GABPB1: variants seen among roughly 807,000 people sequenced by gnomAD.
GABPB1 encodes GA binding protein transcription factor subunit beta 1, also known as GA-binding protein subunit beta-1.
A neutral mutation model predicts 45.9 loss-of-function variants in GABPB1; 15 were observed. The observed-to-expected ratio is 0.33, with a 90% confidence interval of 0.22 to 0.50. GABPB1 has a LOEUF of 0.50. Among genes scored for constraint, GABPB1 ranks in the 20% least tolerant of loss-of-function variants. The probability of loss-of-function intolerance (pLI) is 0.98; values close to 1 mark genes in which losing one functional copy is unlikely to be tolerated. For missense variants in GABPB1, 252 were observed against 457.5 expected, an observed-to-expected ratio of 0.55 and a Z score of 4.10; for synonymous variants, 143 against 154.4, an observed-to-expected ratio of 0.93 and a Z score of 0.55.
At chr15:50,308,655 C>A (rs570951205) in intron 2 of GABPB1, among the ~76,000 whole-genome samples, 51 of 152,316 alleles carry the variant, frequency 3.3e-4, no homozygotes, top group African/African-American at 1.2e-3. Context: ...AACCACCAGA[C>A]AAGTGTGAGT....
At chr15:50,294,969 A>G (rs1403109728) in intron 6 of GABPB1, among the ~76,000 whole-genome samples, 1 of 152,218 alleles carries the variant, frequency 6.6e-6, no homozygotes, top group Non-Finnish European at 1.5e-5. Flanking sequence ...TTGTACCACA[A>G]GGAAGAATAA....
At chr15:50,326,534 C>T (rs1017729409) in intron 1 of GABPB1, among the ~76,000 whole-genome samples, 35 of 152,008 alleles carry the variant, frequency 2.3e-4, no homozygotes, top group African/African-American at 8.2e-4. Context: ...TGGTGGCATG[C>T]GCCTATAGTC....
At chr15:50,338,557 T>A (rs561457946) in intron 1 of GABPB1, among the ~76,000 whole-genome samples, 2 of 152,218 alleles carry the variant, frequency 1.3e-5, no homozygotes, top group East Asian at 3.9e-4. Context: ...CACTGCAACC[T>A]ACACCTCCTG....
intron 1 of GABPB1, chr15:50,354,603 G>C (rs1420618143): frequency 2.2e-6 from 1 of 445,868 alleles, no homozygotes; most frequent in South Asian, 1.6e-5. Context: ...CCAGTCGCCC[G>C]CAGAACCTCC....
intron 1 of GABPB1, among the ~76,000 whole-genome samples, chr15:50,342,290 C>T (rs1234064478): frequency 6.6e-6 from 1 of 151,954 alleles, no homozygotes; most frequent in East Asian, 1.9e-4. Context: ...TTTCCTCTCC[C>T]ATAAGCCTTA....
intron 6 of GABPB1, among the ~76,000 whole-genome samples, chr15:50,291,728 T>C (rs1214910685): frequency 2.0e-5 from 3 of 151,960 alleles, no homozygotes; most frequent in Non-Finnish European, 4.4e-5. Flanking sequence ...AAGACCAGCC[T>C]GGGTAACACA....
Position 50,293,411 on chromosome 15 carries a change from A to G in GABPB1, c.698-3743T>C, listed in dbSNP as rs532932943. ...CAAACCACAGAACACTCAAAATGCA[A>G]ACAACCTTTGTTTTGAGCTCTCTTG... On this transcript the variant is annotated intron_variant, in intron 6 of 8. Transcript: ENST00000380877. Among the ~76,000 whole-genome samples, 6 of 152,328 alleles carry G rather than the reference A, an allele frequency of 3.9e-5. No homozygotes were observed. The East Asian group carries it at 1.2e-3, about 29-fold the overall frequency.
intron 2 of GABPB1, among the ~76,000 whole-genome samples, chr15:50,307,227 C>T (rs1332519711): frequency 2.0e-5 from 3 of 152,154 alleles, no homozygotes; most frequent in Non-Finnish European, 4.4e-5. Flanking sequence ...AGCCTTGGTA[C>T]TGCTCAACTG....
intron 2 of GABPB1, among the ~76,000 whole-genome samples, chr15:50,306,656 T>C (rs1345082406): frequency 6.6e-6 from 1 of 150,936 alleles, no homozygotes; most frequent in Non-Finnish European, 1.5e-5. Context: ...TCTTCCCACA[T>C]GCCACTCCCT....
rs1353683675 is a variant in GABPB1, at chr15:50,301,429, TC to T, written c.472-62del. ...TAACCAGAACATATAGCACAAATTCTCCATATAATACAAACACATATAAAGG... is the reference window on the plus strand; with the variant it reads ...TAACCAGAACATATAGCACAAATTCTCATATAATACAAACACATATAAAGG... On this transcript the variant is annotated intron_variant, in intron 4 of 8. Coordinates refer to ENST00000380877, the MANE Select transcript of GABPB1 (RefSeq NM_016654.5). 4 of 1,405,214 alleles carry T rather than the reference TC, an allele frequency of 2.8e-6. No homozygotes were observed. In the African/African-American group the frequency reaches 5.7e-5, roughly 20 times the overall value. 87.0% of individuals were successfully genotyped at this position (1,405,214 alleles called of 1,614,324 possible). A position where few individuals can be genotyped will look rare whatever the true frequency, so the allele number is the denominator to read the frequency against.
chr15:50,315,491 G>A (rs1357009556), intron 1 of GABPB1, among the ~76,000 whole-genome samples: 1 of 152,198 alleles, frequency 6.6e-6, no homozygotes, highest in African/African-American at 2.4e-5. Flanking sequence ...TCATAAAAAG[G>A]TGGCAATGGG....
intron 1 of GABPB1, among the ~76,000 whole-genome samples, chr15:50,317,661 G>A (rs2047389387): frequency 6.6e-6 from 1 of 152,072 alleles, no homozygotes; most frequent in Non-Finnish European, 1.5e-5. Flanking sequence ...TGTAATCCCA[G>A]CACTTTGGGA....
At chr15:50,304,886 T>C (rs2046887960) in intron 2 of GABPB1, among the ~76,000 whole-genome samples, 1 of 152,198 alleles carries the variant, frequency 6.6e-6, no homozygotes, top group Non-Finnish European at 1.5e-5. Context: ...AAAATTGTTT[T>C]GTAGGTCTTA....
At chr15:50,304,714 G>GA (rs1230865292) in intron 2 of GABPB1, among the ~76,000 whole-genome samples, 246 of 105,394 alleles carry the variant, frequency 2.3e-3, no homozygotes, top group African/African-American at 2.4e-3. Flanking sequence ...TTGGTCTAAA[G>GA]AAAAAAAAAA....
intron 6 of GABPB1, among the ~76,000 whole-genome samples, chr15:50,297,988 T>C (rs944426076): frequency 5.3e-5 from 8 of 152,226 alleles, no homozygotes; most frequent in Non-Finnish European, 8.8e-5. Flanking sequence ...GTTAGAGAAA[T>C]TGGTGTGGCC....
At chr15:50,330,092 C>T (rs539757568) in intron 1 of GABPB1, among the ~76,000 whole-genome samples, 15 of 151,710 alleles carry the variant, frequency 9.9e-5, no homozygotes, top group African/African-American at 2.9e-4. Flanking sequence ...TTTGGAGAGA[C>T]GAGGTTTTGA....
At chr15:50,309,319 A>C (rs960109856) in intron 2 of GABPB1, among the ~76,000 whole-genome samples, 30 of 152,250 alleles carry the variant, frequency 2.0e-4, no homozygotes, top group Non-Finnish European at 1.3e-4. Flanking sequence ...TTTTTCTTTT[A>C]GGAGTGACTA....
intron 7 of GABPB1, 136 bp downstream of exon 7, chr15:50,289,347 A>G: frequency 1.7e-6 from 1 of 579,186 alleles, no homozygotes; most frequent in Non-Finnish European, 2.9e-6. Context: ...GCAAAAATAC[A>G]TTCTTTGGAA....
At chr15:50,307,210 C>T (rs1320748549) in intron 2 of GABPB1, among the ~76,000 whole-genome samples, 1 of 152,164 alleles carries the variant, frequency 6.6e-6, no homozygotes, top group African/African-American at 2.4e-5. Flanking sequence ...CCACCATCTC[C>T]TCACCAAGCC....
Sources: gnomAD v4.1 joint callset for allele counts (sites outside exome capture counted in the v4.1 genomes callset) on GRCh38, gnomAD v4.1.1 for gene constraint, MANE v1.5 for transcripts, NCBI Gene and HGNC (gene_info 2026-07-23, HGNC 2026-07-21) for gene names.